The following ZBTB7C variants were observed in gnomAD, a reference collection of about 807,000 sequenced individuals.
The protein encoded by ZBTB7C is zinc finger and BTB domain-containing protein 7C.
A neutral mutation model predicts 25.7 loss-of-function variants in ZBTB7C; 8 were observed. That is an observed-to-expected ratio of 0.31 (90% CI 0.18 to 0.56). The LOEUF (loss-of-function observed/expected upper bound fraction) is 0.56. Ranked by LOEUF, ZBTB7C falls within the 20% of genes least tolerant of loss-of-function variation. ZBTB7C has a pLI of 0.91. For synonymous variants in ZBTB7C, 394 were observed against 369.0 expected (o/e 1.07, Z -0.78); for missense variants, 824 against 855.2 (o/e 0.96, Z 0.46).
chr18:48,096,301 C>T (rs1034133631), intron 3 of ZBTB7C, among the ~76,000 whole-genome samples: 16 of 152,126 alleles, frequency 1.1e-4, no homozygotes, highest in South Asian at 2.1e-4. Context: ...CCCTTCAAGA[C>T]GGTCACAAGC....
intron 2 of ZBTB7C, among the ~76,000 whole-genome samples, chr18:48,232,088 C>A (rs2043270638): frequency 6.6e-6 from 1 of 152,236 alleles, no homozygotes; most frequent in Non-Finnish European, 1.5e-5. Flanking sequence ...CTGAGCACAG[C>A]CTGCCAGGCT....
chr18:48,186,720 G>T (rs998123859), intron 2 of ZBTB7C, among the ~76,000 whole-genome samples: 1 of 151,958 alleles, frequency 6.6e-6, no homozygotes, highest in Non-Finnish European at 1.5e-5. Flanking sequence ...GATGCTTCAA[G>T]ACAGGATGCC....
At chr18:48,310,562 G>A (rs1450556103) in intron 2 of ZBTB7C, among the ~76,000 whole-genome samples, 1 of 152,172 alleles carries the variant, frequency 6.6e-6, no homozygotes, top group African/African-American at 2.4e-5. Context: ...GTGTCTGTGT[G>A]TGTGTGTGTC....
chr18:48,272,944 G>C lies in ZBTB7C; in HGVS notation c.-79+65230C>G, dbSNP rs571375929. Among the ~76,000 whole-genome samples the C allele has an allele frequency of 3.3e-5, 5 of 152,272 alleles. No individual in the cohort carries two copies. In the South Asian group the frequency reaches 1.0e-3, roughly 32 times the overall value. ...GATTCTATTTATATGAAACATAGAG[G>C]ACAGGCAAATCCATGGAAACAAAAG... On this transcript the variant is annotated intron_variant, in intron 2 of 4. Coordinates refer to ENST00000590800, the MANE Select transcript of ZBTB7C (RefSeq NM_001318841.2).
chr18:48,158,207 G>C (rs2040895889), intron 3 of ZBTB7C, among the ~76,000 whole-genome samples: 1 of 152,220 alleles, frequency 6.6e-6, no homozygotes, highest in Non-Finnish European at 1.5e-5. Flanking sequence ...TTTGCTTTTG[G>C]TGGATTTGTT....
intron 2 of ZBTB7C, among the ~76,000 whole-genome samples, chr18:48,190,408 AG>A (rs1290884747): frequency 6.6e-6 from 1 of 152,146 alleles, no homozygotes. Flanking sequence ...AGATATGAAA[AG>A]GTGTGAATCC....
At chr18:48,344,501 G>A (rs987971173) in intron 1 of ZBTB7C, among the ~76,000 whole-genome samples, 23 of 152,140 alleles carry the variant, frequency 1.5e-4, no homozygotes, top group African/African-American at 5.1e-4. Flanking sequence ...TGTATGGTGA[G>A]GGGAAGGGGA....
intron 2 of ZBTB7C, among the ~76,000 whole-genome samples, chr18:48,329,834 G>C (rs184623090): frequency 1.4e-4 from 22 of 152,256 alleles, no homozygotes; most frequent in Admixed American, 8.5e-4. Flanking sequence ...AGTAGGGAGG[G>C]ACAAAAACTA....
chr18:48,303,807 C>G (rs76818577), intron 2 of ZBTB7C, among the ~76,000 whole-genome samples: 4 of 152,196 alleles, frequency 2.6e-5, no homozygotes, highest in African/African-American at 9.7e-5. Context: ...GTCTCCATAT[C>G]CCTTTTTCAA....
intron 3 of ZBTB7C, among the ~76,000 whole-genome samples, chr18:48,125,781 C>T (rs1232206892): frequency 6.6e-6 from 1 of 152,230 alleles, no homozygotes; most frequent in African/African-American, 2.4e-5. Context: ...AGGGCAGGAA[C>T]CCTGCCTGGG....
chr18:48,321,279 G>A (rs1400418644), intron 2 of ZBTB7C, among the ~76,000 whole-genome samples: 1 of 152,184 alleles, frequency 6.6e-6, no homozygotes, highest in East Asian at 1.9e-4. Flanking sequence ...TGCTCTCCCA[G>A]ACAAAGCCCT....
intron 2 of ZBTB7C, among the ~76,000 whole-genome samples, chr18:48,192,557 G>A (rs1348386236): frequency 6.6e-5 from 10 of 152,168 alleles, no homozygotes; most frequent in Admixed American, 5.2e-4. Flanking sequence ...ACCATCTCCC[G>A]GGTTCAAGTG....
chr18:48,321,711 C>T (rs1274879311), intron 2 of ZBTB7C, among the ~76,000 whole-genome samples: 2 of 152,160 alleles, frequency 1.3e-5, no homozygotes, highest in African/African-American at 4.8e-5. Context: ...ACTTCCCCTG[C>T]GTCCTCACAC....
chr18:48,293,424 T>C (rs1440246490), intron 2 of ZBTB7C, among the ~76,000 whole-genome samples: 1 of 152,198 alleles, frequency 6.6e-6, no homozygotes, highest in African/African-American at 2.4e-5. Context: ...CATAGGAATT[T>C]TGAGGGGACA....
intron 3 of ZBTB7C, among the ~76,000 whole-genome samples, chr18:48,127,231 C>A (rs570165433): frequency 1.3e-5 from 2 of 152,176 alleles, no homozygotes; most frequent in Admixed American, 6.5e-5. Context: ...GGCCCTGATT[C>A]CAGAGCCTAT....
At chr18:48,041,398 G>A (rs2144162215) in intron 3 of ZBTB7C, 1 of 985,302 alleles carries the variant, frequency 1.0e-6, no homozygotes, top group East Asian at 1.1e-4. Flanking sequence ...CCTTCTCTCA[G>A]GCTTGGTGTT....
chr18:48,287,794 AT>A (rs1462817749), intron 2 of ZBTB7C, among the ~76,000 whole-genome samples: 2 of 152,250 alleles, frequency 1.3e-5, no homozygotes, highest in Non-Finnish European at 2.9e-5. Context: ...ACCATAAAGA[AT>A]TAAAAGAGAC....
intron 3 of ZBTB7C, among the ~76,000 whole-genome samples, chr18:48,179,174 C>A (rs1174974448): frequency 6.6e-6 from 1 of 152,218 alleles, no homozygotes; most frequent in Admixed American, 6.5e-5. Context: ...TGCTCTAGAG[C>A]CACCCAGAGG....
At chr18:48,393,918 T>C (rs2047959071) in intron 1 of ZBTB7C, among the ~76,000 whole-genome samples, 1 of 152,112 alleles carries the variant, frequency 6.6e-6, no homozygotes, top group Non-Finnish European at 1.5e-5. Flanking sequence ...TACTTTCTAA[T>C]TGAGCATCAA....
Sources: allele counts gnomAD v4.1 joint callset (sites outside exome capture counted in the v4.1 genomes callset), GRCh38; gene constraint gnomAD v4.1.1; transcripts MANE v1.5; gene names NCBI Gene and HGNC (gene_info 2026-07-23, HGNC 2026-07-21).